The following LRP1B variants were observed in gnomAD, a reference collection of about 807,000 sequenced individuals.
LRP1B encodes LDL receptor related protein 1B.
Under a neutral mutation model 556.6 loss-of-function variants are expected in LRP1B, and 217 were observed. That is an observed-to-expected ratio of 0.39 (90% CI 0.35 to 0.44). The LOEUF is 0.44. Ranked by LOEUF, LRP1B falls within the 20% of genes least tolerant of loss-of-function variation. LRP1B has a pLI of 1.00. For synonymous variants in LRP1B, 2,047 were observed against 1,865.8 expected (o/e 1.10, Z -2.50); for missense variants, 5,053 against 5,620.8 (o/e 0.90, Z 3.23).
At chr2:141,085,700 A>C (rs759801126) in intron 7 of LRP1B, among the ~76,000 whole-genome samples, 7 of 152,228 alleles carry the variant, frequency 4.6e-5, no homozygotes, top group Non-Finnish European at 1.0e-4. Context: ...AAACTAATAC[A>C]TAACCGTGTT....
At chr2:140,916,669 C>T (rs950475837) in intron 21 of LRP1B, among the ~76,000 whole-genome samples, 1 of 152,116 alleles carries the variant, frequency 6.6e-6, no homozygotes, top group African/African-American at 2.4e-5. Context: ...ACTATCACAA[C>T]TCTTAGAAAG....
At chr2:141,730,870 G>T (rs2105518111) in intron 2 of LRP1B, among the ~76,000 whole-genome samples, 1 of 152,208 alleles carries the variant, frequency 6.6e-6, no homozygotes, top group East Asian at 1.9e-4. Context: ...GTTTATTTGG[G>T]GAACCCCACA....
intron 41 of LRP1B, among the ~76,000 whole-genome samples, chr2:140,605,989 C>T (rs1046006707): frequency 5.9e-5 from 9 of 151,518 alleles, no homozygotes; most frequent in Non-Finnish European, 1.3e-4. Flanking sequence ...TTGACTAAAA[C>T]TGGAGATTCC....
chr2:141,348,670 G>A (rs143669985), intron 3 of LRP1B, among the ~76,000 whole-genome samples: 1,780 of 152,050 alleles, frequency 0.012, 23 homozygotes, highest in Middle Eastern at 0.02. Flanking sequence ...TACTCATAGA[G>A]CACAATTGAT....
intron 68 of LRP1B, among the ~76,000 whole-genome samples, chr2:140,377,012 C>T: frequency 6.6e-6 from 1 of 152,140 alleles, no homozygotes; most frequent in East Asian, 1.9e-4. Context: ...GCTTCTCAAC[C>T]AGAGCAGCGG....
intron 41 of LRP1B, among the ~76,000 whole-genome samples, chr2:140,688,138 G>A (rs1686114104): frequency 6.6e-6 from 1 of 151,496 alleles, no homozygotes; most frequent in Non-Finnish European, 1.5e-5. Context: ...AAAAAAATCA[G>A]CCAATTGTTT....
intron 66 of LRP1B, among the ~76,000 whole-genome samples, chr2:140,418,577 T>G (rs1685298825): frequency 6.6e-6 from 1 of 152,052 alleles, no homozygotes; most frequent in Non-Finnish European, 1.5e-5. Context: ...CCCATATTTG[T>G]GAAGCAGGAT....
At chr2:141,952,414 A>G (rs1701131697) in intron 1 of LRP1B, among the ~76,000 whole-genome samples, 1 of 152,166 alleles carries the variant, frequency 6.6e-6, no homozygotes, top group African/African-American at 2.4e-5. Context: ...AATATGGCAC[A>G]TATTTCTATA....
chr2:142,087,718 A>G (rs971036489), intron 1 of LRP1B, among the ~76,000 whole-genome samples: 2 of 152,066 alleles, frequency 1.3e-5, no homozygotes, highest in Non-Finnish European at 2.9e-5. Flanking sequence ...TAAAGTGTCT[A>G]CCAAGCTAGA....
chr2:140,307,630 C>T (rs927279455), intron 83 of LRP1B, among the ~76,000 whole-genome samples: 3 of 151,608 alleles, frequency 2.0e-5, no homozygotes, highest in African/African-American at 7.3e-5. Context: ...TCCTTAGTTC[C>T]CATTAAAGGA....
chr2:140,450,951 T>C (rs1686860578), intron 62 of LRP1B, among the ~76,000 whole-genome samples: 2 of 152,192 alleles, frequency 1.3e-5, no homozygotes, highest in Non-Finnish European at 2.9e-5. Flanking sequence ...GTTAGTTGGC[T>C]TGTTGGTCGA....
intron 27 of LRP1B, among the ~76,000 whole-genome samples, chr2:140,854,561 T>A (rs1025715360): frequency 6.6e-6 from 1 of 152,170 alleles, no homozygotes; most frequent in African/African-American, 2.4e-5. Flanking sequence ...CTATTCCAAT[T>A]ACCAAATTTA....
intron 1 of LRP1B, among the ~76,000 whole-genome samples, chr2:141,821,012 G>C (rs537899024): frequency 3.9e-5 from 6 of 152,152 alleles, no homozygotes; most frequent in Non-Finnish European, 7.3e-5. Context: ...GCTTGCCAGG[G>C]GGAGATCAGA....
chr2:140,373,128 C>T lies in LRP1B; in HGVS notation c.10648G>A (p.Glu3550Lys), dbSNP rs766157649. The T allele has an allele frequency of 3.7e-6, 6 of 1,612,752 alleles. No homozygotes were observed. The highest frequency in any genetic ancestry group is 1.1e-5 in the South Asian group (1 of 91,014). The change falls in exon 69 of 91, where the codon GAG (glutamate) becomes AAG (lysine). Residue 3550 changes from glutamate to lysine, a missense_variant. Physicochemically the swap from Glu to Lys is moderately conservative, Grantham distance 56. Around this residue, in one of 5 missense-constraint regions of LRP1B, gnomAD observed 599 missense variants for 648.4 expected, o/e 0.92. Transcript: ENST00000389484. ...AACTGATCTTTGGAACAACTTGTCT[C>T]ACAATTTCTCTATGAAAAACAACAG... ...CADGSDERNC[E>K]TSCSKDQFRC...
chr2:140,761,973 TATGATGATGATG>T (rs66893232), intron 35 of LRP1B, among the ~76,000 whole-genome samples: 31 of 150,226 alleles, frequency 2.1e-4, no homozygotes, highest in Admixed American at 7.3e-4. Flanking sequence ...TGATGATAAC[TATGATGATGATG>T]ATGATGATGA....
rs2105421410 is a variant in LRP1B at position 140,700,522 on chromosome 2, G to C, written c.6527C>G (p.Ala2176Gly). The change falls in exon 41 of 91, where the codon GCA becomes GGA. Residue 2176 changes from alanine (A) to glycine (G), a missense_variant. Around this residue, in one of 5 missense-constraint regions of LRP1B, gnomAD observed 3,619 missense variants for 3,931.9 expected, o/e 0.92. Transcript: ENST00000389484. ...CCTCAGGCAAGTAACTCCATCTTCT[G>C]CCAAATATCCATGGGCACAAGCACA... ...RTCACAHGYLAEDGVTCLRHE... is the reference protein window; with the variant it reads ...RTCACAHGYLGEDGVTCLRHE... The C allele has an allele frequency of 6.2e-7, 1 of 1,613,406 alleles. No individual in the cohort carries two copies. The highest frequency in any genetic ancestry group is 8.5e-7 in the Non-Finnish European group (1 of 1,179,672).
intron 1 of LRP1B, among the ~76,000 whole-genome samples, chr2:141,931,005 C>A (rs1013791067): frequency 6.6e-6 from 1 of 151,986 alleles, no homozygotes; most frequent in Non-Finnish European, 1.5e-5. Context: ...CATGCTGATT[C>A]TTTTCCCTTG....
At chr2:141,807,787 A>T (rs1696211861) in intron 2 of LRP1B, among the ~76,000 whole-genome samples, 4 of 152,214 alleles carry the variant, frequency 2.6e-5, no homozygotes, top group Middle Eastern at 3.4e-3. Flanking sequence ...TCAAATATTT[A>T]ACAGCATTGC....
At chr2:141,712,756 G>A (rs573904134) in intron 2 of LRP1B, among the ~76,000 whole-genome samples, 13 of 150,926 alleles carry the variant, frequency 8.6e-5, no homozygotes, top group South Asian at 4.2e-4. Flanking sequence ...TGCAACCTCC[G>A]CCTCCTGGAT....
Sources: gnomAD v4.1 joint callset for allele counts (sites outside exome capture counted in the v4.1 genomes callset) on GRCh38, gnomAD v4.1.1 for gene constraint, gnomAD v4.1.1 regional missense constraint, MANE v1.5 for transcripts, NCBI Gene and HGNC (gene_info 2026-07-23, HGNC 2026-07-21) for gene names.